MLIP: variants seen among roughly 807,000 people sequenced by gnomAD.
MLIP encodes muscular LMNA-interacting protein.
MLIP carries 79 observed loss-of-function variants against 84.8 expected under a neutral mutation model. The ratio of observed to expected loss-of-function variants is 0.93; its 90% confidence interval spans 0.78 to 1.12. The LOEUF is 1.12. Ranked by LOEUF, MLIP falls within the 50% of genes most tolerant of loss-of-function variation. MLIP has a pLI of 0.00. For missense variants in MLIP, 1,257 were observed against 1,160.6 expected (o/e 1.08, Z -1.21); for synonymous variants, 504 against 463.0 (o/e 1.09, Z -1.14).
At chr6:54,213,785 A>C (rs1779659473) in intron 11 of MLIP, among the ~76,000 whole-genome samples, 1 of 79,112 alleles carries the variant, frequency 1.3e-5, no homozygotes, top group Non-Finnish European at 3.8e-5. Flanking sequence ...GAATTAAACA[A>C]AAAAAAGTTT....
At chr6:54,238,919 A>G (rs1384393151) in intron 12 of MLIP, among the ~76,000 whole-genome samples, 6 of 152,160 alleles carry the variant, frequency 3.9e-5, no homozygotes, top group Admixed American at 3.3e-4. Flanking sequence ...GTTTGTAACC[A>G]TACACTATTT....
Position 54,132,897 on chromosome 6 carries a change from A to C in MLIP, c.646-3818A>C, listed in dbSNP as rs914572458. Reference sequence around the variant, plus strand: ...AATAGGTGCTGTGGTCCTATTAAAAAGTGGTATCAATTTTCTTTTTCTTAT... The same window carrying C: ...AATAGGTGCTGTGGTCCTATTAAAACGTGGTATCAATTTTCTTTTTCTTAT... On this transcript the variant is annotated intron_variant, in intron 3 of 13. Coordinates refer to ENST00000502396, the MANE Select transcript of MLIP (RefSeq NM_001281747.2). Among the ~76,000 whole-genome samples the C allele has an allele frequency of 2.0e-5, 3 of 152,176 alleles. No homozygotes were observed. In the East Asian group the frequency reaches 5.8e-4, roughly 29 times the overall value.
intron 11 of MLIP, chr6:54,215,002 A>G: frequency 2.6e-5 from 15 of 567,388 alleles, no homozygotes; most frequent in Non-Finnish European, 2.8e-5. Flanking sequence ...AAAGGAGACG[A>G]TATCCCTCCC....
At chr6:54,076,913 A>T (rs1766840093) in intron 1 of MLIP, among the ~76,000 whole-genome samples, 1 of 152,164 alleles carries the variant, frequency 6.6e-6, no homozygotes, top group Non-Finnish European at 1.5e-5. Context: ...AGACAGAAAT[A>T]AAAATGGATT....
intron 1 of MLIP, 103 bp downstream of exon 1, chr6:54,111,678 G>C: frequency 8.4e-7 from 1 of 1,191,328 alleles, no homozygotes; most frequent in South Asian, 1.4e-5. Flanking sequence ...GCCCAGTGAA[G>C]ATAAATTTGT....
At chr6:54,025,885 C>T (rs1169268974) in intron 1 of MLIP, among the ~76,000 whole-genome samples, 2 of 152,194 alleles carry the variant, frequency 1.3e-5, no homozygotes, top group East Asian at 3.9e-4. Flanking sequence ...CCACTTGGCA[C>T]ATCGCCCACA....
At chr6:54,228,945 G>A (rs1298089155) in intron 11 of MLIP, among the ~76,000 whole-genome samples, 1 of 152,080 alleles carries the variant, frequency 6.6e-6, no homozygotes, top group African/African-American at 2.4e-5. Flanking sequence ...GTTTGATTTA[G>A]AAATAAAACA....
chr6:54,025,669 A>G (rs1038447277), intron 1 of MLIP, among the ~76,000 whole-genome samples: 3 of 152,100 alleles, frequency 2.0e-5, no homozygotes, highest in Non-Finnish European at 4.4e-5. Context: ...GTTGCCTTAG[A>G]TGTTCCTTTT....
rs1281684175 is a variant in MLIP, at chr6:54,251,749, C to T, written c.2923-5559C>T. On this transcript the variant is annotated intron_variant, in intron 12 of 13. Transcript: ENST00000502396. ...CATATGATATAAATATATATAATAG[C>T]ATATAATATATAATATAAATATATA... 7.0e-3 allele frequency among the ~76,000 whole-genome samples: 614 copies of T among 88,272 alleles called. 8 individuals are homozygous for T. The highest frequency in any genetic ancestry group is 0.028 in the African/African-American group (570 of 20,200). 57.9% of individuals were successfully genotyped at this position (88,272 alleles called of 152,430 possible).
chr6:54,080,977 G>T (rs756448535), intron 1 of MLIP, among the ~76,000 whole-genome samples: 6 of 151,772 alleles, frequency 4.0e-5, no homozygotes, highest in Non-Finnish European at 5.9e-5. Context: ...TGACCTCACA[G>T]AATTTTTTTC....
chr6:54,081,557 C>T (rs1186124191), intron 1 of MLIP, among the ~76,000 whole-genome samples: 1 of 152,078 alleles, frequency 6.6e-6, no homozygotes, highest in African/African-American at 2.4e-5. Context: ...TACAGGCGCC[C>T]GCCACCATGC....
intron 8 of MLIP, among the ~76,000 whole-genome samples, chr6:54,161,271 TAG>T (rs1477663511): frequency 2.0e-5 from 3 of 152,070 alleles, no homozygotes; most frequent in South Asian, 2.1e-4. Flanking sequence ...GTATTATTTC[TAG>T]AGTTTCTTTT....
upstream of MLIP, among the ~76,000 whole-genome samples, chr6:54,109,180 A>G (rs1160369689): frequency 6.6e-6 from 1 of 151,148 alleles, no homozygotes; most frequent in Non-Finnish European, 1.5e-5. Flanking sequence ...GAATAAAGCT[A>G]AAACATCTTA....
intron 1 of MLIP, among the ~76,000 whole-genome samples, chr6:54,047,852 TC>T (rs34205940): frequency 6.6e-6 from 1 of 152,236 alleles, no homozygotes; most frequent in East Asian, 1.9e-4. Flanking sequence ...ATTTTCATTG[TC>T]CCCCTTTTCA....
chr6:54,240,847 G>A (rs1208309457), intron 12 of MLIP, among the ~76,000 whole-genome samples: 1 of 152,040 alleles, frequency 6.6e-6, no homozygotes, highest in African/African-American at 2.4e-5. Flanking sequence ...GTGGTGGCAC[G>A]CACCTGTAGT....
chr6:54,234,338 A>T (rs1234305444), intron 12 of MLIP, among the ~76,000 whole-genome samples: 1 of 152,142 alleles, frequency 6.6e-6, no homozygotes, highest in Non-Finnish European at 1.5e-5. Context: ...AAATTTACGA[A>T]TATGCGTAAA....
intron 1 of MLIP, among the ~76,000 whole-genome samples, chr6:54,090,577 A>G (rs1431677334): frequency 1.3e-5 from 2 of 152,140 alleles, no homozygotes; most frequent in African/African-American, 4.8e-5. Flanking sequence ...CATTAGTGTG[A>G]GAACCAGCCT....
chr6:54,102,402 C>G (rs1256918898), intron 1 of MLIP, among the ~76,000 whole-genome samples: 2 of 152,074 alleles, frequency 1.3e-5, no homozygotes, highest in African/African-American at 4.8e-5. Context: ...TGGTTGCCAA[C>G]AGTGGGAGGA....
chr6:54,234,749 T>G (rs1038423272), intron 12 of MLIP, among the ~76,000 whole-genome samples: 1 of 152,172 alleles, frequency 6.6e-6, no homozygotes, highest in Non-Finnish European at 1.5e-5. Flanking sequence ...CATTTCCTCT[T>G]GCATTTCTCT....
Sources: gnomAD v4.1 joint callset for allele counts (sites outside exome capture counted in the v4.1 genomes callset) on GRCh38, gnomAD v4.1.1 for gene constraint, MANE v1.5 for transcripts, NCBI Gene and HGNC (gene_info 2026-07-23, HGNC 2026-07-21) for gene names.